NSD1: variants seen among roughly 807,000 people sequenced by gnomAD.
NSD1 encodes the protein nuclear receptor binding SET domain protein 1, also known as histone-lysine N-methyltransferase, H3 lysine-36 specific.
A neutral mutation model predicts 242.7 loss-of-function variants in NSD1; 26 were observed. That is an observed-to-expected ratio of 0.11 (90% confidence interval 0.08 to 0.15). NSD1 has a LOEUF of 0.15. NSD1 is among the 10% of genes least tolerant of loss of function. The probability of loss-of-function intolerance (pLI) is 1.00; values close to 1 mark genes in which losing one functional copy is unlikely to be tolerated. For missense variants in NSD1, 2,495 were observed against 3,272.8 expected, an observed-to-expected ratio of 0.76 and a Z score of 5.80; for synonymous variants, 1,106 against 1,178.1, an observed-to-expected ratio of 0.94 and a Z score of 1.25.
chr5:177,226,335 A>T (rs1341120728), intron 5 of NSD1, among the ~76,000 whole-genome samples: 1 of 152,176 alleles, frequency 6.6e-6, no homozygotes. Flanking sequence ...GGGCCCGGCC[A>T]GTAGTGTGCC....
At chr5:177,206,156 C>T (rs1211222141) in intron 4 of NSD1, among the ~76,000 whole-genome samples, 2 of 152,138 alleles carry the variant, frequency 1.3e-5, no homozygotes, top group Non-Finnish European at 2.9e-5. Context: ...TATGCCACCA[C>T]ACCTGGCTAA....
chr5:177,170,619 C>T (rs2149797481), intron 2 of NSD1, among the ~76,000 whole-genome samples: 1 of 152,282 alleles, frequency 6.6e-6, no homozygotes, highest in Admixed American at 6.5e-5. Flanking sequence ...TCCTGAAGTG[C>T]TAGGATTACA....
chr5:177,174,223 G>A (rs1759980298), intron 2 of NSD1, among the ~76,000 whole-genome samples: 1 of 152,074 alleles, frequency 6.6e-6, no homozygotes, highest in African/African-American at 2.4e-5. Context: ...AAATTAGCAG[G>A]GCGTGGTGGT....
chr5:177,258,703 T>A (rs549801075), intron 13 of NSD1, among the ~76,000 whole-genome samples: 1 of 152,120 alleles, frequency 6.6e-6, no homozygotes, highest in South Asian at 2.1e-4. Flanking sequence ...GCCCAGCTAA[T>A]TTTTGTATTT....
intron 5 of NSD1, among the ~76,000 whole-genome samples, chr5:177,217,519 A>G (rs1461517460): frequency 1.3e-5 from 2 of 152,118 alleles, no homozygotes; most frequent in East Asian, 1.9e-4. Flanking sequence ...CTACAGTGGT[A>G]TATTTCCCTT....
intron 8 of NSD1, among the ~76,000 whole-genome samples, chr5:177,241,822 G>A (rs796972017): frequency 6.6e-6 from 1 of 152,308 alleles, no homozygotes; most frequent in South Asian, 2.1e-4. Context: ...CTAAAGCCAT[G>A]ATTCAGTTCC....
At chr5:177,279,610 A>AATTTT (rs1267953141) in intron 17 of NSD1, among the ~76,000 whole-genome samples, 1 of 95,416 alleles carries the variant, frequency 1.0e-5, no homozygotes, top group African/African-American at 3.9e-5. Flanking sequence ...AGCTTTGAAA[A>AATTTT]TTTTTTTTTT....
At chr5:177,186,042 A>G (rs1761178887) in intron 2 of NSD1, among the ~76,000 whole-genome samples, 1 of 102,442 alleles carries the variant, frequency 9.8e-6, no homozygotes, top group Non-Finnish European at 1.8e-5. Flanking sequence ...TTTTATATAT[A>G]TAATATATAA....
At chr5:177,158,305 T>C (rs898534615) in intron 2 of NSD1, among the ~76,000 whole-genome samples, 11 of 141,058 alleles carry the variant, frequency 7.8e-5, no homozygotes, top group African/African-American at 2.5e-4. Flanking sequence ...TTCTTTCTTT[T>C]CTTTCTTTTC....
chr5:177,161,401 T>A lies in NSD1; in HGVS notation c.927+25371T>A, dbSNP rs1009316704. On this transcript the variant is annotated intron_variant, in intron 2 of 22. Transcript: ENST00000439151. ...AAAAAAAAAATTCAGTGTGGCGTGATTAGGCTGGGAGGGTGGGGCAGGAAG... is the reference window on the plus strand; with the variant it reads ...AAAAAAAAAATTCAGTGTGGCGTGAATAGGCTGGGAGGGTGGGGCAGGAAG... Among the ~76,000 whole-genome samples the A allele has an allele frequency of 2.0e-5, 3 of 151,800 alleles. No homozygotes were observed. The South Asian group carries it at 6.2e-4, about 32-fold the overall frequency.
chr5:177,293,370 T>C (rs1759999240), intron 22 of NSD1, among the ~76,000 whole-genome samples: 1 of 152,190 alleles, frequency 6.6e-6, no homozygotes, highest in Non-Finnish European at 1.5e-5. Context: ...ATTTTATATC[T>C]TTTCTATTAC....
intron 20 of NSD1, among the ~76,000 whole-genome samples, chr5:177,288,122 T>C (rs1208862741): frequency 6.6e-6 from 1 of 152,232 alleles, no homozygotes; most frequent in Non-Finnish European, 1.5e-5. Context: ...AGTTTTGAGT[T>C]TGAATGTTTA....
intron 9 of NSD1, among the ~76,000 whole-genome samples, chr5:177,245,941 C>T (rs1174105241): frequency 1.3e-5 from 2 of 149,312 alleles, no homozygotes; most frequent in Admixed American, 1.3e-4. Flanking sequence ...CCAGCCTCAA[C>T]CCTCCATCTT....
rs1347658889 is a variant in NSD1 at position 177,257,939 on chromosome 5, C to T, written c.4966+788C>T. ...TCAGCCTCCCAAAGTGCTGGCATTA[C>T]AGGCGTGAGCCACCACGCGTGGCCC... On this transcript the variant is annotated intron_variant, in intron 13 of 22. Transcript: ENST00000439151. 6.1e-5 allele frequency among the ~76,000 whole-genome samples: 9 copies of T among 147,624 alleles called. No homozygotes were observed. The Admixed American group carries it at 6.1e-4, about 10-fold the overall frequency.
intron 5 of NSD1, among the ~76,000 whole-genome samples, chr5:177,232,224 G>A (rs949830449): frequency 3.9e-5 from 6 of 152,172 alleles, no homozygotes; most frequent in Non-Finnish European, 8.8e-5. Context: ...GCATGAGACA[G>A]TAATACAACC....
intron 5 of NSD1, among the ~76,000 whole-genome samples, chr5:177,224,414 C>G (rs1025652619): frequency 2.6e-5 from 4 of 151,870 alleles, no homozygotes; most frequent in Non-Finnish European, 4.4e-5. Context: ...TTTAGTCTTT[C>G]TTTGTCCTTT....
intron 5 of NSD1, among the ~76,000 whole-genome samples, chr5:177,230,716 A>C (rs1345608773): frequency 6.6e-6 from 1 of 151,750 alleles, no homozygotes; most frequent in African/African-American, 2.4e-5. Context: ...AGTCCCAGCT[A>C]CTCGGGAGAC....
chr5:177,161,608 T>TTTTTGTGCAAACGATTGAA (rs934627684), intron 2 of NSD1, among the ~76,000 whole-genome samples: 1 of 152,032 alleles, frequency 6.6e-6, no homozygotes, highest in African/African-American at 2.4e-5. Flanking sequence ...CGATTGAAAT[T>TTTTTGTGCAAACGATTGAA]ATATTTTTTT....
At position 177,135,218 on chromosome 5, in the gene NSD1, TTTTC is replaced by T; in HGVS notation, c.117_120del (p.Phe39LeufsTer42). On this transcript the variant is annotated frameshift_variant, in exon 2 of 23. Coordinates refer to ENST00000439151, the MANE Select transcript of NSD1 (RefSeq NM_022455.5). LOFTEE classifies it high-confidence loss of function. ...CCCTTTCGGTAATGGTCAATCCAAT[TTTTC>T]TGAGCCACTTAATGGGTGTACTATG... is the stretch of plus-strand genomic sequence containing the variant. The T allele has an allele frequency of 6.2e-7, 1 of 1,613,388 alleles. No homozygotes were observed. The highest frequency in any genetic ancestry group is 8.5e-7 in the Non-Finnish European group (1 of 1,179,332).
Sources: gnomAD v4.1 joint callset for allele counts (sites outside exome capture counted in the v4.1 genomes callset) on GRCh38, gnomAD v4.1.1 for gene constraint, MANE v1.5 for transcripts, NCBI Gene and HGNC (gene_info 2026-07-23, HGNC 2026-07-21) for gene names.